ZZEF1: variants seen among roughly 807,000 people sequenced by gnomAD.
ZZEF1 encodes the protein zinc finger ZZ-type and EF-hand domain-containing protein 1.
Under a neutral mutation model 342.8 loss-of-function variants are expected in ZZEF1, and 157 were observed. That is an observed-to-expected ratio of 0.46 (90% CI 0.40 to 0.52). The LOEUF is 0.52. Among genes scored for constraint, ZZEF1 ranks in the 20% least tolerant of loss-of-function variants. ZZEF1 has a pLI of 0.00. For synonymous variants in ZZEF1, 1,505 were observed against 1,429.1 expected (o/e 1.05, Z -1.20); for missense variants, 3,480 against 3,725.6 (o/e 0.93, Z 1.72).
At chr17:4,011,298 G>A (rs1200069294) in intron 52 of ZZEF1, among the ~76,000 whole-genome samples, 1 of 152,080 alleles carries the variant, frequency 6.6e-6, no homozygotes, top group Non-Finnish European at 1.5e-5. Flanking sequence ...AGCTACTCAG[G>A]AGGCTGAGGG....
chr17:4,070,613 A>C, intron 26 of ZZEF1, 71 bp downstream of exon 26: 1 of 1,489,644 alleles, frequency 6.7e-7, no homozygotes, highest in Non-Finnish European at 9.1e-7. Flanking sequence ...TTAAATGTTC[A>C]CTTAAGATAG....
At chr17:4,050,758 GT>G in intron 36 of ZZEF1, 22 bp downstream of exon 36, 1 of 1,612,356 alleles carries the variant, frequency 6.2e-7, no homozygotes, top group Non-Finnish European at 8.5e-7. Context: ...GCTGGTTTTG[GT>G]TTCTGTGCAT....
At chr17:4,110,246 G>A (rs566406061) in intron 5 of ZZEF1, among the ~76,000 whole-genome samples, 1 of 152,256 alleles carries the variant, frequency 6.6e-6, no homozygotes, top group South Asian at 2.1e-4. Context: ...ATAGAACAGT[G>A]GCTGGCTTAC....
chr17:4,023,655 C>A (rs2944609), intron 43 of ZZEF1, among the ~76,000 whole-genome samples: 129,044 of 131,430 alleles, frequency 0.98, 63,363 homozygotes, highest in Non-Finnish European at 0.99. Flanking sequence ...CCCTGTCTCT[C>A]CAAAAAAAAA....
intron 19 of ZZEF1, 43 bp from the exon 20 acceptor site, chr17:4,077,032 A>ACC: frequency 6.6e-7 from 1 of 1,524,646 alleles, no homozygotes; most frequent in Non-Finnish European, 8.8e-7. Context: ...TATAGTAGAA[A>ACC]TGTCACATGC....
intron 1 of ZZEF1, among the ~76,000 whole-genome samples, chr17:4,127,015 T>A (rs1355314602): frequency 6.6e-6 from 1 of 152,034 alleles, no homozygotes; most frequent in Admixed American, 6.6e-5. Flanking sequence ...TGGATTTTTT[T>A]TTTTTTTTTG....
At chr17:4,102,451 A>AAATATGAAG in intron 8 of ZZEF1, 36 bp from the exon 9 acceptor site, 1 of 1,580,686 alleles carries the variant, frequency 6.3e-7, no homozygotes, top group Non-Finnish European at 8.7e-7. Flanking sequence ...CTGTAAGCTA[A>AAATATGAAG]AATATGAAGA....
At chr17:4,079,357 G>T (rs980856464) in intron 18 of ZZEF1, among the ~76,000 whole-genome samples, 3 of 152,196 alleles carry the variant, frequency 2.0e-5, no homozygotes, top group Admixed American at 6.5e-5. Context: ...AGGCTTCAGG[G>T]ATCTGAGAAA....
rs1012326575 is a variant in ZZEF1, at chr17:4,140,882, A to T, written c.354+1660T>A. The stretch of plus-strand genomic sequence containing the variant: ...TATGTGTATTCCTGGGGGGAAAAAA[A>T]AAGGAGATCTTTCACTAACTAATAT... On this transcript the variant is annotated intron_variant, in intron 1 of 54. Coordinates refer to ENST00000381638, the MANE Select transcript of ZZEF1 (RefSeq NM_015113.4). Among the ~76,000 whole-genome samples the T allele has an allele frequency of 2.6e-5, 4 of 151,630 alleles. No homozygotes were observed. In the South Asian group the frequency reaches 8.3e-4, roughly 32 times the overall value.
intron 53 of ZZEF1, chr17:4,009,240 A>C (rs1298639460): frequency 8.9e-6 from 5 of 563,970 alleles, no homozygotes; most frequent in African/African-American, 1.9e-5. Context: ...AAGAACTCTG[A>C]AAGGCCCTTT....
chr17:4,022,688 G>A, intron 44 of ZZEF1, 21 bp downstream of exon 44: 2 of 1,613,448 alleles, frequency 1.2e-6, no homozygotes, highest in South Asian at 1.1e-5. Flanking sequence ...AAGAGGAGCA[G>A]GAGTCCCTCT....
chr17:4,068,592 A>C (rs893621943), intron 26 of ZZEF1, among the ~76,000 whole-genome samples: 1 of 152,050 alleles, frequency 6.6e-6, no homozygotes, highest in African/African-American at 2.4e-5. Flanking sequence ...CCAGCCTAAC[A>C]AAAAAAATTT....
intron 4 of ZZEF1, among the ~76,000 whole-genome samples, chr17:4,113,731 T>C (rs959764826): frequency 6.6e-6 from 1 of 151,706 alleles, no homozygotes; most frequent in African/African-American, 2.4e-5. Context: ...CCCAACACTT[T>C]GGGAGGCCAA....
chr17:4,017,125 TG>T lies in ZZEF1; in HGVS notation c.8001+245del. ...GAATGTGCCTCAAGATTTCTGCACT[TG>T]GAAACTGGGAAGATGGCGACAAAGC... On this transcript the variant is annotated intron_variant, in intron 48 of 54. Transcript: ENST00000381638. This position sits in a 1 kb window ranked among gnomAD's most constrained non-coding sequence, Gnocchi z 5.1. 1 of 505,912 alleles carries T rather than the reference TG, an allele frequency of 2.0e-6. No homozygotes were observed. Among genetic ancestry groups the T allele is most frequent in the East Asian group, 3.5e-5 (1 of 28,966 alleles). 31.3% of individuals were successfully genotyped at this position (505,912 alleles called of 1,614,324 possible).
chr17:4,057,907 G>A (rs748733645), intron 32 of ZZEF1, 87 bp downstream of exon 32: 25 of 1,362,520 alleles, frequency 1.8e-5, no homozygotes, highest in East Asian at 9.4e-5. Context: ...GTCTAGCTCC[G>A]GAGTCTGTGC....
In ZZEF1 at chr17:4,116,848, T is replaced by G; in HGVS notation, c.694+124A>C. ...TGAGGAGAAAGATCACATTCTTACG[T>G]TACAAACTCATGACTCTGTATTTTC... On this transcript the variant is annotated intron_variant, in intron 3 of 54. Transcript: ENST00000381638. 2.9e-6 allele frequency: 3 copies of G among 1,019,586 alleles called. No homozygotes were observed. The East Asian group carries it at 7.9e-5, about 27-fold the overall frequency. 63.2% of individuals were successfully genotyped at this position (1,019,586 alleles called of 1,614,324 possible).
chr17:4,004,820 A>C lies in ZZEF1; in HGVS notation c.*2070T>G. ...AGCGCCACCCGGTGGCCGGAGACAG[A>C]GGCGGCCGGGCCGAGCCGGGAGAGC... On this transcript the variant is annotated 3_prime_UTR_variant, in exon 55 of 55. Coordinates refer to ENST00000381638, the MANE Select transcript of ZZEF1 (RefSeq NM_015113.4). 6.6e-6 allele frequency: 1 copy of C among 152,218 alleles called. No individual in the cohort carries two copies. Among genetic ancestry groups the C allele is most frequent in the East Asian group, 1.9e-4 (1 of 5,188 alleles). The allele number at this position is 152,218 out of a possible 1,614,324, so 9.4% of individuals were successfully genotyped here. A position where few individuals can be genotyped will look rare whatever the true frequency, so the allele number is the denominator to read the frequency against.
At chr17:4,084,000 A>T (rs7223570) in intron 16 of ZZEF1, among the ~76,000 whole-genome samples, 22,513 of 152,054 alleles carry the variant, frequency 0.15, 1,776 homozygotes, top group African/African-American at 0.2. Context: ...AAACAAATAA[A>T]TATTTGTTTT....
chr17:4,075,193 C>T lies in ZZEF1; in HGVS notation c.3402-15G>A, dbSNP rs1597853257. 6 of 1,614,082 alleles carry T rather than the reference C, an allele frequency of 3.7e-6. No individual in the cohort carries two copies. In the Middle Eastern group the frequency reaches 8.2e-4, roughly 222 times the overall value. ...GATAATCATACCTGTGAAGGCATAA[C>T]CTCTATTAGCTTCCTTCTCTCATTG... On this transcript the variant is annotated splice_polypyrimidine_tract_variant and intron_variant, in intron 22 of 54. Transcript: ENST00000381638.
Sources: allele counts gnomAD v4.1 joint callset (sites outside exome capture counted in the v4.1 genomes callset), GRCh38; gene constraint gnomAD v4.1.1; non-coding constraint Gnocchi (gnomAD v3.1); transcripts MANE v1.5; gene names NCBI Gene and HGNC (gene_info 2026-07-23, HGNC 2026-07-21).